The following DGKB variants were observed in gnomAD, a reference collection of about 807,000 sequenced individuals.
DGKB encodes diacylglycerol kinase beta.
A neutral mutation model predicts 114.3 loss-of-function variants in DGKB; 67 were observed. That is an observed-to-expected ratio of 0.59 (90% CI 0.48 to 0.72). The LOEUF (loss-of-function observed/expected upper bound fraction) is 0.72, where lower values mean the gene tolerates loss of function less well. Ranked by LOEUF, DGKB falls within the 30% of genes least tolerant of loss-of-function variation. DGKB has a pLI of 0.00. For missense variants in DGKB, 907 were observed against 975.2 expected, an observed-to-expected ratio of 0.93 and a Z score of 0.93; for synonymous variants, 398 against 323.1, an observed-to-expected ratio of 1.23 and a Z score of -2.49.
At chr7:14,175,478 T>C (rs757741158) in intron 25 of DGKB, among the ~76,000 whole-genome samples, 18 of 152,188 alleles carry the variant, frequency 1.2e-4, no homozygotes, top group Non-Finnish European at 2.1e-4. Flanking sequence ...TTTCCTGTTC[T>C]ACCTCTGGAA....
chr7:14,715,082 G>A (rs938688659), intron 6 of DGKB, among the ~76,000 whole-genome samples: 1 of 152,072 alleles, frequency 6.6e-6, no homozygotes, highest in Non-Finnish European at 1.5e-5. Flanking sequence ...GAGTCCTGAG[G>A]AAGTTTTAAA....
At chr7:14,169,249 C>T (rs919991690) in intron 25 of DGKB, among the ~76,000 whole-genome samples, 9 of 150,780 alleles carry the variant, frequency 6.0e-5, no homozygotes, top group Non-Finnish European at 1.3e-4. Flanking sequence ...CCTGTAGTCC[C>T]AGCTACTCGG....
At chr7:14,336,771 C>G (rs1313568986) in intron 23 of DGKB, among the ~76,000 whole-genome samples, 1 of 152,076 alleles carries the variant, frequency 6.6e-6, no homozygotes, top group Admixed American at 6.6e-5. Flanking sequence ...GACATGTATG[C>G]AGCAGCTCCA....
At chr7:14,628,534 G>C (rs370086536) in intron 14 of DGKB, among the ~76,000 whole-genome samples, 37 of 152,238 alleles carry the variant, frequency 2.4e-4, no homozygotes, top group African/African-American at 8.7e-4. Flanking sequence ...TAGAAGATCT[G>C]TCCTCATAGA....
At chr7:14,621,356 A>G in intron 15 of DGKB, 22 bp downstream of exon 15, 1 of 1,489,880 alleles carries the variant, frequency 6.7e-7, no homozygotes, top group Non-Finnish European at 9.3e-7. Flanking sequence ...ACCTACTAAA[A>G]TTTTGATTTA....
intron 23 of DGKB, among the ~76,000 whole-genome samples, chr7:14,235,942 C>CA (rs961369692): frequency 6.6e-6 from 1 of 151,904 alleles, no homozygotes; most frequent in Admixed American, 6.6e-5. Flanking sequence ...GCACACACTG[C>CA]AAAAAACACA....
At chr7:14,891,821 T>C (rs1242565030) in intron 1 of DGKB, among the ~76,000 whole-genome samples, 3 of 151,334 alleles carry the variant, frequency 2.0e-5, no homozygotes, top group Non-Finnish European at 4.4e-5. Flanking sequence ...AAAACTGCTG[T>C]GGACAGTGAA....
At chr7:14,433,214 T>C (rs1046198955) in intron 21 of DGKB, among the ~76,000 whole-genome samples, 1 of 152,080 alleles carries the variant, frequency 6.6e-6, no homozygotes, top group Non-Finnish European at 1.5e-5. Context: ...CTGTCAAGAG[T>C]CATTCCAATT....
At chr7:14,697,965 G>C (rs1486788033) in intron 8 of DGKB, 130 bp downstream of exon 8, 3 of 558,436 alleles carry the variant, frequency 5.4e-6, no homozygotes, top group East Asian at 7.0e-5. Context: ...TAGAAGGAAG[G>C]AAAGAAAGAA....
chr7:14,301,670 T>G (rs192875984), intron 23 of DGKB, among the ~76,000 whole-genome samples: 160 of 152,252 alleles, frequency 1.1e-3, no homozygotes, highest in African/African-American at 3.6e-3. Context: ...TCTTTGTGTA[T>G]ATATACATGA....
At chr7:14,952,779 A>T (rs1266897545) in intron 1 of DGKB, among the ~76,000 whole-genome samples, 1 of 152,092 alleles carries the variant, frequency 6.6e-6, no homozygotes, top group Non-Finnish European at 1.5e-5. Context: ...AAAATAAAAT[A>T]AAATAAAGTT....
At chr7:14,954,681 C>A (rs1312060660) in intron 1 of DGKB, among the ~76,000 whole-genome samples, 1 of 151,724 alleles carries the variant, frequency 6.6e-6, no homozygotes, top group Non-Finnish European at 1.5e-5. Flanking sequence ...GCAGGAAGAA[C>A]AAATAATTAC....
intron 21 of DGKB, among the ~76,000 whole-genome samples, chr7:14,471,779 A>G (rs1336847002): frequency 2.0e-5 from 3 of 152,250 alleles, no homozygotes; most frequent in African/African-American, 7.2e-5. Context: ...AGTAAGATAT[A>G]TAGAAAAATA....
At chr7:14,505,753 A>G (rs1786941695) in intron 20 of DGKB, among the ~76,000 whole-genome samples, 1 of 152,210 alleles carries the variant, frequency 6.6e-6, no homozygotes, top group Non-Finnish European at 1.5e-5. Flanking sequence ...CTAGAGCAAT[A>G]CAAAATGTGA....
chr7:14,780,147 G>A (rs1445619740), intron 2 of DGKB, among the ~76,000 whole-genome samples: 1 of 152,136 alleles, frequency 6.6e-6, no homozygotes, highest in African/African-American at 2.4e-5. Flanking sequence ...GCTTTTGCCA[G>A]CTGGGAAATG....
At chr7:14,536,175 G>GA (rs939656571) in intron 20 of DGKB, among the ~76,000 whole-genome samples, 2 of 152,032 alleles carry the variant, frequency 1.3e-5, no homozygotes, top group African/African-American at 4.8e-5. Context: ...TATCAATAAA[G>GA]AAAATCTCAG....
At chr7:14,583,977 T>C (rs374347798) in intron 17 of DGKB, among the ~76,000 whole-genome samples, 3 of 152,214 alleles carry the variant, frequency 2.0e-5, no homozygotes, top group African/African-American at 7.2e-5. Context: ...AATATGCAAC[T>C]ATCCAAGGAA....
At chr7:14,894,704 G>T (rs1459417488) in intron 1 of DGKB, among the ~76,000 whole-genome samples, 1 of 151,374 alleles carries the variant, frequency 6.6e-6, no homozygotes, top group Non-Finnish European at 1.5e-5. Flanking sequence ...AGTTATGCAG[G>T]TACCTTGGAC....
At chr7:14,681,668 C>G (rs1462027941) in intron 12 of DGKB, among the ~76,000 whole-genome samples, 1 of 152,046 alleles carries the variant, frequency 6.6e-6, no homozygotes, top group Non-Finnish European at 1.5e-5. Flanking sequence ...ATATTTTGTA[C>G]TACATTATCA....
Sources: allele counts gnomAD v4.1 joint callset (sites outside exome capture counted in the v4.1 genomes callset), GRCh38; gene constraint gnomAD v4.1.1; transcripts MANE v1.5; gene names NCBI Gene and HGNC (gene_info 2026-07-23, HGNC 2026-07-21).